Variants in COL9A3 observed in about 807,000 individuals in gnomAD.
The protein encoded by COL9A3 is collagen type IX alpha 3 chain.
COL9A3 carries 82 observed loss-of-function variants against 110.2 expected under a neutral mutation model. That is an observed-to-expected ratio of 0.74 (90% CI 0.62 to 0.89). The LOEUF (loss-of-function observed/expected upper bound fraction) is 0.89. Among genes scored for constraint, COL9A3 ranks in the 40% least tolerant of loss-of-function variants. COL9A3 has a pLI of 0.00. For synonymous variants in COL9A3, 494 were observed against 403.8 expected (o/e 1.22, Z -2.68); for missense variants, 1,066 against 981.3 (o/e 1.09, Z -1.15).
intron 31 of COL9A3, among the ~76,000 whole-genome samples, chr20:62,839,113 T>C (rs187732946): frequency 1.3e-5 from 2 of 151,942 alleles, no homozygotes; most frequent in African/African-American, 4.8e-5. Context: ...TAATCCCAGA[T>C]ACTTGGGAGG....
intron 10 of COL9A3, among the ~76,000 whole-genome samples, chr20:62,823,780 G>A (rs985803527): frequency 1.3e-5 from 2 of 152,270 alleles, no homozygotes; most frequent in Admixed American, 6.5e-5. Flanking sequence ...GCACATTCCT[G>A]TGCTGAGGAT....
rs375799480 is a variant in COL9A3 at position 62,824,395 on chromosome 20, G to A, written c.520-50G>A. ...GCGGGCGCTGACCCCTGCGTCGGAC[G>A]TCCTGCTCTGTTTGGCTGGGAGGGG... is the stretch of plus-strand genomic sequence containing the variant. On this transcript the variant is annotated intron_variant, in intron 10 of 31. Coordinates refer to ENST00000649368, the MANE Select transcript of COL9A3 (RefSeq NM_001853.4). 193 of 1,560,516 alleles carry A rather than the reference G, an allele frequency of 1.2e-4. 1 individual carries two copies. In the African/African-American group the frequency reaches 1.7e-3, roughly 14 times the overall value.
At chr20:62,824,380 AC>A in intron 10 of COL9A3, 64 bp from the exon 11 acceptor site, 4 of 1,481,094 alleles carry the variant, frequency 2.7e-6, no homozygotes, top group Non-Finnish European at 2.8e-6. Context: ...GCGGGCGCTG[AC>A]CCCTGCGTCG....
At chr20:62,837,062 T>C (rs1273229789) in intron 29 of COL9A3, 21 bp from the exon 30 acceptor site, 1 of 1,611,774 alleles carries the variant, frequency 6.2e-7, no homozygotes, top group Non-Finnish European at 8.5e-7. Flanking sequence ...AGTAAACGCC[T>C]GCACCCTTGT....
chr20:62,823,748 C>T (rs927952048), intron 10 of COL9A3, among the ~76,000 whole-genome samples: 4 of 152,268 alleles, frequency 2.6e-5, no homozygotes, highest in Non-Finnish European at 2.9e-5. Context: ...TCACAGTGCC[C>T]CTCCTAAAAG....
intron 24 of COL9A3, 65 bp downstream of exon 24, chr20:62,830,653 C>CA (rs2063588705): frequency 7.5e-6 from 6 of 805,074 alleles, no homozygotes; most frequent in Admixed American, 3.3e-5. Context: ...CAGTCCCCCA[C>CA]CCCCATGACA....
upstream of COL9A3, among the ~76,000 whole-genome samples, chr20:62,816,862 C>T (rs1267762186): frequency 6.6e-6 from 1 of 152,216 alleles, no homozygotes; most frequent in East Asian, 1.9e-4. Flanking sequence ...GCGCCGCCCG[C>T]CCGGCGTCTT....
At chr20:62,832,744 G>T in intron 25 of COL9A3, 1 of 362,792 alleles carries the variant, frequency 2.8e-6, no homozygotes, top group Non-Finnish European at 4.3e-6. Flanking sequence ...CCGCTGGAGG[G>T]CCTGCAGCCA....
intron 16 of COL9A3, 113 bp from the exon 17 acceptor site, chr20:62,827,810 C>G: frequency 8.9e-7 from 1 of 1,128,664 alleles, no homozygotes; most frequent in Non-Finnish European, 1.3e-6. Flanking sequence ...TCGGGGGTGG[C>G]CCCTGCCGCT....
At chr20:62,816,496 G>A (rs1299474727), upstream of COL9A3, among the ~76,000 whole-genome samples, 3 of 152,246 alleles carry the variant, frequency 2.0e-5, no homozygotes, top group Non-Finnish European at 4.4e-5. Flanking sequence ...GTGAGGGGCC[G>A]CGGTGGGGGT....
intron 22 of COL9A3, 40 bp downstream of exon 22, chr20:62,829,859 T>A (rs1339035693): frequency 6.5e-7 from 1 of 1,539,882 alleles, no homozygotes; most frequent in Non-Finnish European, 8.7e-7. Flanking sequence ...GGGTTAGCAC[T>A]GAGCCATTGG....
At chr20:62,819,338 G>C (rs369434341) in intron 4 of COL9A3, 45 bp downstream of exon 4, 3 of 1,569,376 alleles carry the variant, frequency 1.9e-6, no homozygotes, top group Non-Finnish European at 2.6e-6. Context: ...TCCCCGCTCC[G>C]GGTCCCTGGA....
chr20:62,818,478 CCT>C, intron 2 of COL9A3, 38 bp from the exon 3 acceptor site: 1 of 1,603,836 alleles, frequency 6.2e-7, no homozygotes, highest in South Asian at 1.1e-5. Flanking sequence ...TTGAGGGACC[CCT>C]GATTTTCAGG....
chr20:62,825,793 A>G, intron 12 of COL9A3, 24 bp from the exon 13 acceptor site: 1 of 1,551,130 alleles, frequency 6.4e-7, no homozygotes, highest in Non-Finnish European at 8.7e-7. Flanking sequence ...TGGGCCGCTG[A>G]CCACCCTATC....
At chr20:62,816,504 G>T (rs757967498), upstream of COL9A3, among the ~76,000 whole-genome samples, 4 of 152,216 alleles carry the variant, frequency 2.6e-5, 1 homozygote, top group Admixed American at 2.6e-4. Context: ...CCGCGGTGGG[G>T]GTGCTCCCAG....
In COL9A3 at chr20:62,838,671, C is replaced by T. The variant is rs532096265; in HGVS notation, c.1787-13C>T. On this transcript the variant is annotated splice_polypyrimidine_tract_variant and intron_variant, in intron 30 of 31. Transcript: ENST00000649368. ...TACTCTAACCATATGTCTGTGTCCACACCTCGTGACAGGAAACCAGGGTGA... is the reference window on the plus strand; with the variant it reads ...TACTCTAACCATATGTCTGTGTCCATACCTCGTGACAGGAAACCAGGGTGA... 2.9e-5 allele frequency: 45 copies of T among 1,551,804 alleles called. No individual in the cohort carries two copies. In the South Asian group the frequency reaches 5.1e-4, roughly 18 times the overall value.
chr20:62,828,691 C>T (rs1370320441), intron 17 of COL9A3, 73 bp from the exon 18 acceptor site: 3 of 1,537,778 alleles, frequency 2.0e-6, no homozygotes, highest in African/African-American at 2.7e-5. Flanking sequence ...AAGGAGGCTG[C>T]CCCCAGGGCA....
In COL9A3 at chr20:62,828,701, A is replaced by G. The variant is rs2249897; in HGVS notation, c.901-63A>G. On this transcript the variant is annotated intron_variant, in intron 17 of 31. Transcript: ENST00000649368. ...TGGGGAAGGAGGCTGCCCCCAGGGC[A>G]GGACTGTAGAGGGAGGGAGGGGGGC... The G allele has an allele frequency of 0.36, 566,630 of 1,570,830 alleles. 106,107 individuals carry two copies. Among genetic ancestry groups the G allele is most frequent in the African/African-American group, 0.56 (41,612 of 74,312 alleles).
intron 26 of COL9A3, among the ~76,000 whole-genome samples, chr20:62,833,880 TTTTG>T (rs143222648): frequency 8.4e-5 from 7 of 83,532 alleles, no homozygotes; most frequent in Non-Finnish European, 1.6e-4. Context: ...TTTTGGGGGG[TTTTG>T]TTTGTTTTTT....
Sources: gnomAD v4.1 joint callset for allele counts (sites outside exome capture counted in the v4.1 genomes callset) on GRCh38, gnomAD v4.1.1 for gene constraint, MANE v1.5 for transcripts, NCBI Gene and HGNC (gene_info 2026-07-23, HGNC 2026-07-21) for gene names.